Variants in NARS2 observed in about 807,000 individuals in gnomAD.
The protein encoded by NARS2 is asparaginyl-tRNA synthetase.
Under a neutral mutation model 62.9 loss-of-function variants are expected in NARS2, and 60 were observed. The ratio of observed to expected loss-of-function variants is 0.95; its 90% CI spans 0.77 to 1.18. The LOEUF (loss-of-function observed/expected upper bound fraction) is 1.18, where lower values mean the gene tolerates loss of function less well. Ranked by LOEUF, NARS2 falls within the 50% of genes most tolerant of loss-of-function variation. The probability of loss-of-function intolerance (pLI) is 0.00; values close to 1 mark genes in which losing one functional copy is unlikely to be tolerated. For synonymous variants in NARS2, 196 were observed against 200.0 expected, an observed-to-expected ratio of 0.98 and a Z score of 0.17; for missense variants, 619 against 576.4, an observed-to-expected ratio of 1.07 and a Z score of -0.76.
chr11:78,544,034 A>AC (rs1565272255), intron 5 of NARS2, among the ~76,000 whole-genome samples: 2 of 151,160 alleles, frequency 1.3e-5, no homozygotes, highest in African/African-American at 4.9e-5. Flanking sequence ...AAAAAAAAAA[A>AC]AAAAAACTCT....
chr11:78,464,283 C>G (rs1396164434), intron 11 of NARS2, among the ~76,000 whole-genome samples: 2 of 151,994 alleles, frequency 1.3e-5, no homozygotes, highest in African/African-American at 4.8e-5. Flanking sequence ...CAGTGTGGAC[C>G]CAAAGAGTGA....
chr11:78,566,345 T>C, intron 3 of NARS2, 73 bp from the exon 4 acceptor site: 2 of 1,298,248 alleles, frequency 1.5e-6, no homozygotes, highest in Admixed American at 2.6e-5. Flanking sequence ...TCCAGGGTAT[T>C]TCTTAAATAG....
At chr11:78,571,252 A>G in intron 2 of NARS2, 83 bp downstream of exon 2, 1 of 800,812 alleles carries the variant, frequency 1.2e-6, no homozygotes, top group Admixed American at 2.1e-5. Context: ...CAGGGGTCCA[A>G]CGTAAACACT....
chr11:78,493,270 C>A (rs1349577910), intron 6 of NARS2, 75 bp from the exon 7 acceptor site: 8 of 1,440,626 alleles, frequency 5.6e-6, no homozygotes, highest in Non-Finnish European at 9.5e-7. Flanking sequence ...TCAGTGAGCT[C>A]TTACGGAAAA....
intron 6 of NARS2, among the ~76,000 whole-genome samples, chr11:78,527,674 GA>G (rs1861339511): frequency 1.3e-5 from 2 of 152,048 alleles, no homozygotes; most frequent in Non-Finnish European, 2.9e-5. Context: ...TAAAACAATG[GA>G]AAACACCAAA....
chr11:78,549,998 T>C (rs997481678), intron 5 of NARS2, among the ~76,000 whole-genome samples: 4 of 152,130 alleles, frequency 2.6e-5, no homozygotes, highest in African/African-American at 9.7e-5. Context: ...AAATAAATGG[T>C]CAATATGTAC....
intron 6 of NARS2, among the ~76,000 whole-genome samples, chr11:78,512,029 T>C (rs985955111): frequency 1.3e-5 from 2 of 152,174 alleles, no homozygotes; most frequent in African/African-American, 4.8e-5. Flanking sequence ...AACAACAACG[T>C]CCTTCCAAGA....
rs891180282 is a variant in NARS2, at chr11:78,503,456, T to C, written c.690-10261A>G. ...CTTCTCCATGTTGGCCAGGCTGGTATTGAACTCCTGACCTCAGGTGATCCA... is the reference window on the plus strand; with the variant it reads ...CTTCTCCATGTTGGCCAGGCTGGTACTGAACTCCTGACCTCAGGTGATCCA... On this transcript the variant is annotated intron_variant, in intron 6 of 13. Coordinates refer to ENST00000281038, the MANE Select transcript of NARS2 (RefSeq NM_024678.6). Among the ~76,000 whole-genome samples the C allele has an allele frequency of 3.9e-5, 6 of 152,134 alleles. No individual in the cohort carries two copies. In the South Asian group the frequency reaches 6.2e-4, roughly 16 times the overall value.
chr11:78,465,086 TG>T (rs1218359591), intron 11 of NARS2, among the ~76,000 whole-genome samples: 4 of 152,094 alleles, frequency 2.6e-5, no homozygotes, highest in Non-Finnish European at 5.9e-5. Context: ...GGCTCAGGCA[TG>T]GGGGGCTGCA....
At chr11:78,521,271 C>A (rs1861110748) in intron 6 of NARS2, among the ~76,000 whole-genome samples, 1 of 151,390 alleles carries the variant, frequency 6.6e-6, no homozygotes, top group Non-Finnish European at 1.5e-5. Context: ...CTCCAGCAAT[C>A]TTCTTGCCTT....
At chr11:78,508,284 C>T (rs1300338730) in intron 6 of NARS2, among the ~76,000 whole-genome samples, 1 of 151,924 alleles carries the variant, frequency 6.6e-6, no homozygotes. Context: ...GTGGGAGTCT[C>T]GAAAGGAGAA....
At chr11:78,507,081 T>C (rs545241157) in intron 6 of NARS2, among the ~76,000 whole-genome samples, 1 of 152,184 alleles carries the variant, frequency 6.6e-6, no homozygotes, top group Non-Finnish European at 1.5e-5. Context: ...AATCTAGGCC[T>C]AGATTGCTGA....
At chr11:78,440,965 TA>T in intron 13 of NARS2, 125 bp downstream of exon 13, 1 of 810,466 alleles carries the variant, frequency 1.2e-6, no homozygotes, top group Non-Finnish European at 2.0e-6. Context: ...TTCCCTGACC[TA>T]AGAACAGTTA....
At chr11:78,484,020 T>A (rs1176227198) in intron 7 of NARS2, among the ~76,000 whole-genome samples, 1 of 152,106 alleles carries the variant, frequency 6.6e-6, no homozygotes, top group East Asian at 1.9e-4. Flanking sequence ...CAAAACAACA[T>A]GGTACTGTTA....
intron 6 of NARS2, among the ~76,000 whole-genome samples, chr11:78,517,076 A>T (rs115662131): frequency 0.011 from 1,650 of 152,340 alleles, 34 homozygotes; most frequent in African/African-American, 0.039. Flanking sequence ...GCAAAAAAAC[A>T]GCATATGCAA....
chr11:78,440,950 A>G (rs1857559361), intron 13 of NARS2, 141 bp downstream of exon 13: 5 of 684,556 alleles, frequency 7.3e-6, no homozygotes, highest in African/African-American at 1.8e-5. Context: ...TGAGCCCCCA[A>G]CCCCTTCCCT....
At chr11:78,571,234 A>T in intron 2 of NARS2, 101 bp downstream of exon 2, 2 of 687,616 alleles carry the variant, frequency 2.9e-6, no homozygotes, top group Non-Finnish European at 5.2e-6. Context: ...CTGTTTCAAA[A>T]GATTACTCAG....
chr11:78,554,501 G>A (rs576342143), intron 5 of NARS2, among the ~76,000 whole-genome samples: 1 of 116,636 alleles, frequency 8.6e-6, no homozygotes, highest in Non-Finnish European at 1.6e-5. Flanking sequence ...ATTCCTAGGC[G>A]TGTGTGCGTG....
At chr11:78,540,503 A>T (rs1565269354) in intron 5 of NARS2, among the ~76,000 whole-genome samples, 1 of 152,164 alleles carries the variant, frequency 6.6e-6, no homozygotes, top group East Asian at 1.9e-4. Flanking sequence ...GACCTCTACA[A>T]TCACTGAAAC....
Sources: gnomAD v4.1 joint callset for allele counts (sites outside exome capture counted in the v4.1 genomes callset) on GRCh38, gnomAD v4.1.1 for gene constraint, MANE v1.5 for transcripts, NCBI Gene and HGNC (gene_info 2026-07-23, HGNC 2026-07-21) for gene names.